NUF2: variants seen among roughly 807,000 people sequenced by gnomAD.
The protein encoded by NUF2 is kinetochore protein Nuf2.
NUF2 carries 34 observed loss-of-function variants against 61.8 expected under a neutral mutation model. The observed-to-expected ratio is 0.55, with a 90% CI of 0.42 to 0.73. The LOEUF is 0.73. Among genes scored for constraint, NUF2 ranks in the 30% least tolerant of loss-of-function variants. The probability of loss-of-function intolerance (pLI) is 0.00; values close to 1 mark genes in which losing one functional copy is unlikely to be tolerated. For synonymous variants in NUF2, 172 were observed against 181.6 expected (o/e 0.95, Z 0.42); for missense variants, 445 against 539.1 (o/e 0.83, Z 1.73).
chr1:163,334,284 C>G (rs1170070353), intron 5 of NUF2, among the ~76,000 whole-genome samples: 1 of 152,066 alleles, frequency 6.6e-6, no homozygotes, highest in East Asian at 1.9e-4. Flanking sequence ...CATACAAGTG[C>G]ATTAATCTTT....
At position 163,349,047 on chromosome 1, in the gene NUF2, A is replaced by C; in HGVS notation, c.1227A>C (p.Lys409Asn). The change falls in exon 13 of 14, where the codon AAA (lysine) becomes AAC (asparagine). Residue 409 changes from lysine (K) to asparagine (N), a missense_variant. Transcript: ENST00000271452. ...QKIKLGIQQL[K>N]DAAEREKLKS... The stretch of plus-strand genomic sequence containing the variant: ...TTAAACTTGGAATTCAACAACTAAA[A>C]GATGCTGCTGAAAGGGAGAAACTGA... 6.2e-7 allele frequency: 1 copy of C among 1,611,194 alleles called. No individual in the cohort carries two copies. The highest frequency in any genetic ancestry group is 8.5e-7 in the Non-Finnish European group (1 of 1,179,250).
chr1:163,339,598 C>G, intron 8 of NUF2, 121 bp downstream of exon 8: 1 of 627,294 alleles, frequency 1.6e-6, no homozygotes, highest in Non-Finnish European at 2.8e-6. Flanking sequence ...GAATATATTT[C>G]TGTGCCCATT....
intron 12 of NUF2, 137 bp from the exon 13 acceptor site, chr1:163,348,808 T>G: frequency 1.2e-6 from 1 of 864,024 alleles, no homozygotes; most frequent in Non-Finnish European, 1.8e-6. Context: ...TTTCATTCCT[T>G]TGCTTTTATA....
intron 5 of NUF2, 41 bp downstream of exon 5, chr1:163,328,948 T>G (rs770893133): frequency 9.3e-7 from 1 of 1,075,174 alleles, no homozygotes; most frequent in Middle Eastern, 2.1e-4. Flanking sequence ...CTGGCTTCGA[T>G]CTACCATTTC....
At chr1:163,333,661 A>G (rs1488425092) in intron 5 of NUF2, among the ~76,000 whole-genome samples, 2 of 152,112 alleles carry the variant, frequency 1.3e-5, no homozygotes, top group African/African-American at 4.8e-5. Flanking sequence ...ACCATTGTCT[A>G]TCTTCAAATA....
intron 5 of NUF2, among the ~76,000 whole-genome samples, chr1:163,332,026 T>C (rs1414829507): frequency 1.3e-5 from 2 of 152,028 alleles, no homozygotes; most frequent in African/African-American, 4.8e-5. Context: ...TTTCATTTAC[T>C]CTTTTTTTCT....
rs1286210113 is a variant in NUF2, at chr1:163,326,073, AG to A, written c.23del (p.Arg8AsnfsTer4). ...CAAGATGGAAACTTTGTCTTTCCCC[AG>A]ATATAATGTAGCTGAGATTGTGATT... METLSFP[R>X]YNVAEIVIHI... On this transcript the variant is annotated frameshift_variant, in exon 2 of 14. Transcript: ENST00000271452. LOFTEE classifies it high-confidence loss of function. 2 of 1,612,386 alleles carry A rather than the reference AG, an allele frequency of 1.2e-6. No homozygotes were observed. The highest frequency in any genetic ancestry group is 2.7e-5 in the African/African-American group (2 of 74,884).
At chr1:163,349,540 T>C (rs917848095) in intron 13 of NUF2, among the ~76,000 whole-genome samples, 1 of 152,192 alleles carries the variant, frequency 6.6e-6, no homozygotes, top group African/African-American at 2.4e-5. Flanking sequence ...GCCTCTTTTT[T>C]TTTCATTCTT....
chr1:163,353,256 T>C (rs1236477125), intron 13 of NUF2, among the ~76,000 whole-genome samples: 2 of 97,396 alleles, frequency 2.1e-5, no homozygotes, highest in African/African-American at 6.6e-5. Context: ...CCCAATAATA[T>C]ATTGGTTGAC....
Position 163,337,956 on chromosome 1 carries a change from C to G in NUF2, c.436-64C>G, listed in dbSNP as rs1292583215. The G allele has an allele frequency of 4.1e-6, 5 of 1,233,788 alleles. No homozygotes were observed. The African/African-American group carries it at 5.9e-5, about 15-fold the overall frequency. The allele number at this position is 1,233,788 out of a possible 1,614,324, so 76.4% of individuals were successfully genotyped here. On this transcript the variant is annotated intron_variant, in intron 6 of 13. Coordinates refer to ENST00000271452, the MANE Select transcript of NUF2 (RefSeq NM_145697.3). ...TGGTTCAAACTATAGTATGAGTAAA[C>G]ATTTTGGACACACTGATTGTGTTGA...
At chr1:163,325,217 T>C (rs1650377271) in intron 1 of NUF2, among the ~76,000 whole-genome samples, 1 of 152,186 alleles carries the variant, frequency 6.6e-6, no homozygotes, top group African/African-American at 2.4e-5. Flanking sequence ...CCTTTTGAAC[T>C]GGATAATTCT....
At chr1:163,348,345 ACTT>A (rs1387170178) in intron 12 of NUF2, among the ~76,000 whole-genome samples, 1 of 152,186 alleles carries the variant, frequency 6.6e-6, no homozygotes, top group Non-Finnish European at 1.5e-5. Context: ...AAGAAGTAAT[ACTT>A]TCCTAAGTAT....
In NUF2 at chr1:163,348,970, A is replaced by G; in HGVS notation, c.1150A>G (p.Arg384Gly). ...IEDCNKVQEK[R>G]GAVYERVTTI... is the part of the protein sequence containing the mutation. ...GGATTGCAATAAAGTTCAAGAAAAA[A>G]GAGGTGCTGTCTATGAACGAGTAAC... Residue 384 changes from arginine to glycine, a missense_variant, in exon 13 of 14, where the codon AGA becomes GGA. Arg to Gly is a moderately radical substitution (Grantham distance 125). Transcript: ENST00000271452. 6.2e-7 allele frequency: 1 copy of G among 1,604,556 alleles called. No individual in the cohort carries two copies. The highest frequency in any genetic ancestry group is 1.1e-5 in the South Asian group (1 of 87,962).
At chr1:163,350,219 G>A (rs1024713412) in intron 13 of NUF2, among the ~76,000 whole-genome samples, 22 of 151,466 alleles carry the variant, frequency 1.5e-4, no homozygotes, top group Middle Eastern at 3.4e-3. Flanking sequence ...GGAGAATGGC[G>A]TGAACCCGGG....
At chr1:163,345,636 G>T (rs1305929084) in intron 10 of NUF2, 42 bp from the exon 11 acceptor site, 1 of 1,562,134 alleles carries the variant, frequency 6.4e-7, no homozygotes, top group Non-Finnish European at 8.7e-7. Flanking sequence ...GCTTCATAAA[G>T]AAGAATATCA....
At position 163,336,837 on chromosome 1, in the gene NUF2, C is replaced by A; in HGVS notation, c.424C>A (p.Leu142Ile). The A allele has an allele frequency of 6.2e-7, 1 of 1,604,186 alleles. No individual in the cohort carries two copies. Among genetic ancestry groups the A allele is most frequent in the Non-Finnish European group, 8.5e-7 (1 of 1,171,316 alleles). Residue 142 changes from leucine (L) to isoleucine (I), a missense_variant, in exon 6 of 14, where the codon CTT becomes ATT. Leu to Ile is a conservative substitution (Grantham distance 5, BLOSUM62 2). Transcript: ENST00000271452. ...ATGCCGTGAAACGTATATGGAATTT[C>A]TTTGGCAATATGTAAGATTTAAATA... ...EACRETYMEF[L>I]WQYKSSADKM...
Position 163,355,599 on chromosome 1 carries a change from C to G in NUF2, c.*130C>G. ...TTGGCTTCATCAGTTTTTATACACT[C>G]TCATAAGTAGTTAATAAGATGAATT... On this transcript the variant is annotated 3_prime_UTR_variant, in exon 14 of 14. Coordinates refer to ENST00000271452, the MANE Select transcript of NUF2 (RefSeq NM_145697.3). 1 of 575,898 alleles carries G rather than the reference C, an allele frequency of 1.7e-6. No homozygotes were observed. Among genetic ancestry groups the G allele is most frequent in the South Asian group, 3.6e-5 (1 of 27,480 alleles). 35.7% of individuals were successfully genotyped at this position (575,898 alleles called of 1,614,324 possible). A position where few individuals can be genotyped will look rare whatever the true frequency, so the allele number is the denominator to read the frequency against.
intron 9 of NUF2, among the ~76,000 whole-genome samples, chr1:163,341,179 A>G (rs958970894): frequency 6.7e-6 from 1 of 148,324 alleles, no homozygotes; most frequent in African/African-American, 2.4e-5. Flanking sequence ...TGTTACATTG[A>G]AAAAAAAATC....
intron 9 of NUF2, among the ~76,000 whole-genome samples, chr1:163,341,755 G>A (rs1271684927): frequency 6.6e-6 from 1 of 151,968 alleles, no homozygotes; most frequent in African/African-American, 2.4e-5. Context: ...AGCCTCCCAA[G>A]TAGCTGGGAT....
Sources: gnomAD v4.1 joint callset for allele counts (sites outside exome capture counted in the v4.1 genomes callset) on GRCh38, gnomAD v4.1.1 for gene constraint, MANE v1.5 for transcripts, NCBI Gene and HGNC (gene_info 2026-07-23, HGNC 2026-07-21) for gene names.